The following SNX8 variants were observed in gnomAD, a reference collection of about 807,000 sequenced individuals.
SNX8 encodes sorting nexin-8.
SNX8 carries 25 observed loss-of-function variants against 51.6 expected under a neutral mutation model. The ratio of observed to expected loss-of-function variants is 0.48; its 90% CI spans 0.35 to 0.68. The LOEUF (loss-of-function observed/expected upper bound fraction) is 0.68, where lower values mean the gene tolerates loss of function less well. SNX8 is among the 30% of genes least tolerant of loss of function. The pLI, the probability that SNX8 is intolerant of heterozygous loss-of-function variation, is 0.00. For synonymous variants in SNX8, 324 were observed against 277.0 expected, an observed-to-expected ratio of 1.17 and a Z score of -1.68; for missense variants, 695 against 624.0, an observed-to-expected ratio of 1.11 and a Z score of -1.21.
intron 4 of SNX8, 37 bp downstream of exon 4, chr7:2,271,813 C>A (rs756017910): frequency 2.3e-5 from 36 of 1,569,190 alleles, no homozygotes; most frequent in Non-Finnish European, 2.9e-5. Flanking sequence ...TCGGGGACTC[C>A]CCGGGGCCGG....
chr7:2,280,378 T>G (rs1035339779), intron 1 of SNX8, among the ~76,000 whole-genome samples: 5 of 151,956 alleles, frequency 3.3e-5, no homozygotes, highest in Non-Finnish European at 7.4e-5. Flanking sequence ...ACTCAGGAGG[T>G]TGAGGCAGGA....
chr7:2,283,658 G>A (rs1019167445), intron 1 of SNX8, among the ~76,000 whole-genome samples: 4 of 152,228 alleles, frequency 2.6e-5, no homozygotes, highest in African/African-American at 9.6e-5. Flanking sequence ...GGACCAGCAA[G>A]GATGGCACAG....
intron 1 of SNX8, among the ~76,000 whole-genome samples, chr7:2,323,621 C>T (rs956956753): frequency 1.3e-5 from 2 of 152,068 alleles, no homozygotes; most frequent in East Asian, 1.9e-4. Context: ...AATGATATGG[C>T]CCAGAAGTAA....
At chr7:2,286,556 C>T (rs1796033530) in intron 1 of SNX8, among the ~76,000 whole-genome samples, 1 of 149,726 alleles carries the variant, frequency 6.7e-6, no homozygotes, top group Non-Finnish European at 1.5e-5. Flanking sequence ...CTTGCTCTGT[C>T]GCCCAGGCTG....
chr7:2,274,229 C>G (rs1400919929), intron 3 of SNX8, among the ~76,000 whole-genome samples: 1 of 152,252 alleles, frequency 6.6e-6, no homozygotes, highest in Admixed American at 6.5e-5. Context: ...ATCACATCAT[C>G]AGACCCTGGG....
intron 1 of SNX8, among the ~76,000 whole-genome samples, chr7:2,327,756 A>G (rs542309195): frequency 4.2e-4 from 64 of 151,794 alleles, no homozygotes; most frequent in African/African-American, 1.5e-3. Context: ...GTTAGCCAGG[A>G]TGGTCTCTAT....
At chr7:2,294,456 T>C (rs1040567364) in intron 1 of SNX8, among the ~76,000 whole-genome samples, 2 of 152,134 alleles carry the variant, frequency 1.3e-5, no homozygotes, top group Admixed American at 6.6e-5. Context: ...GACCATCTCT[T>C]TGTTCCTAAA....
intron 1 of SNX8, among the ~76,000 whole-genome samples, chr7:2,342,031 G>A (rs907139615): frequency 2.0e-5 from 3 of 151,118 alleles, no homozygotes; most frequent in Admixed American, 6.6e-5. Context: ...AGGCTGAGAC[G>A]GGCGGATCAC....
At chr7:2,286,526 T>TACA in intron 1 of SNX8, among the ~76,000 whole-genome samples, 1 of 151,308 alleles carries the variant, frequency 6.6e-6, no homozygotes, top group East Asian at 2.0e-4. Context: ...TTTATAATTT[T>TACA]TTTTTTTTTT....
intron 1 of SNX8, among the ~76,000 whole-genome samples, chr7:2,348,372 G>T (rs1230238325): frequency 2.3e-5 from 3 of 131,252 alleles, no homozygotes; most frequent in African/African-American, 2.9e-5. Context: ...ACAGAGTCTC[G>T]CTCTGTCGCC....
At chr7:2,351,824 C>T (rs992288886) in intron 1 of SNX8, among the ~76,000 whole-genome samples, 2 of 150,960 alleles carry the variant, frequency 1.3e-5, no homozygotes, top group African/African-American at 2.4e-5. Context: ...GAGTGAGACT[C>T]CATCTCAAAA....
intron 7 of SNX8, among the ~76,000 whole-genome samples, chr7:2,261,047 G>A (rs545658915): frequency 1.3e-5 from 2 of 152,380 alleles, no homozygotes; most frequent in East Asian, 3.9e-4. Flanking sequence ...TGAAGAGGGA[G>A]TGGAATGTGG....
intron 1 of SNX8, among the ~76,000 whole-genome samples, chr7:2,336,455 T>A (rs997084283): frequency 6.6e-6 from 1 of 151,860 alleles, no homozygotes; most frequent in African/African-American, 2.4e-5. Flanking sequence ...ACACCTGTAA[T>A]CCTAGCACTT....
intron 1 of SNX8, among the ~76,000 whole-genome samples, chr7:2,293,693 G>C (rs184937573): frequency 4.1e-4 from 62 of 151,376 alleles, no homozygotes; most frequent in Middle Eastern, 6.8e-3. Flanking sequence ...GGCCAGGCAT[G>C]GTGGCTCACG....
At chr7:2,348,326 TTTTC>T (rs1294699422) in intron 1 of SNX8, among the ~76,000 whole-genome samples, 15 of 143,812 alleles carry the variant, frequency 1.0e-4, no homozygotes, top group African/African-American at 2.5e-4. Context: ...TATCTTTTTC[TTTTC>T]TTTCTTTCTT....
At position 2,256,910 on chromosome 7, in the gene SNX8, G is replaced by A. The variant is rs564880660; in HGVS notation, c.1248C>T (p.Arg416=). The change falls in exon 10 of 11, where the codon CGC becomes CGT. Residue 416 remains arginine, a synonymous_variant. Transcript: ENST00000222990. ...VYLPLTSHIL[R]AFVNSQIQGH... ...CTTGGATCTGAGAGTTGACGAAGGCGCGGAGGATGTGGGAGGTGAGGGGCA... is the reference window on the plus strand; with the variant it reads ...CTTGGATCTGAGAGTTGACGAAGGCACGGAGGATGTGGGAGGTGAGGGGCA... The A allele has an allele frequency of 1.2e-6, 2 of 1,613,620 alleles. No individual in the cohort carries two copies. Among genetic ancestry groups the A allele is most frequent in the African/African-American group, 1.3e-5 (1 of 75,050 alleles).
chr7:2,304,214 C>A (rs1268528653), intron 1 of SNX8, among the ~76,000 whole-genome samples: 1 of 149,892 alleles, frequency 6.7e-6, no homozygotes, highest in African/African-American at 2.5e-5. Context: ...CTCATTCTCC[C>A]ACCCCTGCTC....
intron 1 of SNX8, among the ~76,000 whole-genome samples, chr7:2,292,912 A>C (rs989157802): frequency 6.6e-6 from 1 of 152,022 alleles, no homozygotes; most frequent in East Asian, 2.0e-4. Flanking sequence ...AGTCCCAGCT[A>C]CCCAAGAAGC....
rs755156502 is a variant in SNX8, at chr7:2,278,276, G to A, written c.124C>T (p.Gln42Ter). The A allele has an allele frequency of 5.4e-5, 85 of 1,588,722 alleles. No individual in the cohort carries two copies. Among genetic ancestry groups the A allele is most frequent in the Non-Finnish European group, 7.1e-5 (83 of 1,165,496 alleles). The stretch of plus-strand genomic sequence containing the variant: ...GCTGGGACCTGCTGCACGATGGCCT[G>A]GGGCTCGATGGCCTGGGGTGTCGGC... ...DLPTPQAIEP[Q>*]AIVQQVPAPS... is the part of the protein sequence containing the mutation. The change falls in exon 2 of 11, where the codon CAG (glutamine) becomes TAG (stop). Residue 42 changes from glutamine to a stop codon, truncating the protein, a stop_gained. Coordinates refer to ENST00000222990, the MANE Select transcript of SNX8 (RefSeq NM_013321.4). LOFTEE classifies it high-confidence loss of function.
Sources: allele counts gnomAD v4.1 joint callset (sites outside exome capture counted in the v4.1 genomes callset), GRCh38; gene constraint gnomAD v4.1.1; transcripts MANE v1.5; gene names NCBI Gene and HGNC (gene_info 2026-07-23, HGNC 2026-07-21).